The following GPC6 variants were observed in gnomAD, a reference collection of about 807,000 sequenced individuals.
GPC6 encodes glypican 6, also known as glypican-6.
In GPC6, 14 loss-of-function variants were observed where a neutral mutation model predicts 55.2. That is an observed-to-expected ratio of 0.25 (90% CI 0.17 to 0.40). The LOEUF (loss-of-function observed/expected upper bound fraction) is 0.40, where lower values mean the gene tolerates loss of function less well. Ranked by LOEUF, GPC6 falls within the 10% of genes least tolerant of loss-of-function variation. The pLI is 1.00. For synonymous variants in GPC6, 278 were observed against 259.6 expected, an observed-to-expected ratio of 1.07 and a Z score of -0.68; for missense variants, 641 against 708.5, an observed-to-expected ratio of 0.90 and a Z score of 1.08.
chr13:94,131,519 T>TTGAGAAA (rs1345909995), intron 4 of GPC6, among the ~76,000 whole-genome samples: 1 of 152,204 alleles, frequency 6.6e-6, no homozygotes, highest in Non-Finnish European at 1.5e-5. Context: ...GTCAATTAAT[T>TTGAGAAA]TGAGAAATGA....
chr13:93,373,264 T>C (rs540297636), intron 1 of GPC6, among the ~76,000 whole-genome samples: 1 of 152,310 alleles, frequency 6.6e-6, no homozygotes, highest in East Asian at 1.9e-4. Flanking sequence ...TCGGTCTTTT[T>C]CTGTCCATTT....
At chr13:93,570,464 T>C (rs1185633858) in intron 2 of GPC6, among the ~76,000 whole-genome samples, 1 of 152,152 alleles carries the variant, frequency 6.6e-6, no homozygotes, top group African/African-American at 2.4e-5. Context: ...TTTTATCGAC[T>C]TACAAAAGGC....
chr13:93,384,057 T>C (rs976348796), intron 1 of GPC6, among the ~76,000 whole-genome samples: 6 of 152,172 alleles, frequency 3.9e-5, no homozygotes, highest in African/African-American at 1.2e-4. Context: ...TCAGTTATTT[T>C]ATGATATTTC....
chr13:93,913,073 G>A (rs1186365540), intron 3 of GPC6, among the ~76,000 whole-genome samples: 2 of 152,158 alleles, frequency 1.3e-5, no homozygotes, highest in African/African-American at 2.4e-5. Flanking sequence ...ATGGACTTCA[G>A]CAAAGACCTT....
At chr13:94,327,035 C>T (rs1186307006) in intron 6 of GPC6, among the ~76,000 whole-genome samples, 2 of 152,182 alleles carry the variant, frequency 1.3e-5, no homozygotes, top group East Asian at 1.9e-4. Context: ...GGTAGTTTAG[C>T]GTCTATCAGC....
chr13:93,314,750 T>TGCGCGC (rs1331821835), intron 1 of GPC6, among the ~76,000 whole-genome samples: 2 of 104,872 alleles, frequency 1.9e-5, no homozygotes, highest in African/African-American at 7.7e-5. Context: ...TGTGTGTGTG[T>TGCGCGC]GTGTGTGCAC....
At chr13:94,112,805 T>A (rs182713596) in intron 4 of GPC6, among the ~76,000 whole-genome samples, 1 of 152,188 alleles carries the variant, frequency 6.6e-6, no homozygotes, top group Non-Finnish European at 1.5e-5. Context: ...TGTCTGTAGA[T>A]ACAGATTGCC....
chr13:93,901,898 TAAAAAA>T (rs55752330), intron 3 of GPC6, among the ~76,000 whole-genome samples: 1 of 119,258 alleles, frequency 8.4e-6, no homozygotes, highest in Non-Finnish European at 1.8e-5. Context: ...GAGATTCCAT[TAAAAAA>T]AAAAAAAAAA....
intron 2 of GPC6, among the ~76,000 whole-genome samples, chr13:93,752,308 G>A (rs1473194424): frequency 6.6e-6 from 1 of 152,066 alleles, no homozygotes; most frequent in Non-Finnish European, 1.5e-5. Flanking sequence ...TTTCTTAGAA[G>A]ACATGCCATC....
At chr13:94,158,793 G>C (rs1002982881) in intron 4 of GPC6, among the ~76,000 whole-genome samples, 1 of 152,110 alleles carries the variant, frequency 6.6e-6, no homozygotes, top group African/African-American at 2.4e-5. Context: ...ACACCTCAGC[G>C]CATCCATTTG....
chr13:93,644,481 G>T (rs577153239), intron 2 of GPC6, among the ~76,000 whole-genome samples: 2 of 151,954 alleles, frequency 1.3e-5, no homozygotes, highest in East Asian at 1.9e-4. Context: ...AAATTATGGC[G>T]TTTCCACATT....
At chr13:94,318,213 T>C (rs1473896324) in intron 6 of GPC6, among the ~76,000 whole-genome samples, 1 of 152,190 alleles carries the variant, frequency 6.6e-6, no homozygotes, top group Non-Finnish European at 1.5e-5. Flanking sequence ...ATCTGTTTGC[T>C]CTATCAATTA....
rs539309078 is a variant in GPC6, at chr13:93,622,171, A to G, written c.319+76750A>G. 4.6e-5 allele frequency among the ~76,000 whole-genome samples: 7 copies of G among 152,330 alleles called. No homozygotes were observed. The South Asian group carries it at 1.2e-3, about 27-fold the overall frequency. On this transcript the variant is annotated intron_variant, in intron 2 of 8. Coordinates refer to ENST00000377047, the MANE Select transcript of GPC6 (RefSeq NM_005708.5). Reference sequence around the variant, plus strand: ...TCTTGCTGGTGTCACACAGTTGTACATATTGCATCATAATACCATGCTCAA... The same window carrying G: ...TCTTGCTGGTGTCACACAGTTGTACGTATTGCATCATAATACCATGCTCAA...
intron 1 of GPC6, among the ~76,000 whole-genome samples, chr13:93,505,456 CAGAGAGAGAGAG>C (rs374453375): frequency 6.7e-6 from 1 of 149,698 alleles, no homozygotes; most frequent in East Asian, 2.0e-4. Context: ...CACACAGAGA[CAGAGAGAGAGAG>C]AGAGAGAAAG....
intron 3 of GPC6, among the ~76,000 whole-genome samples, chr13:93,959,916 C>A (rs1050526014): frequency 6.6e-6 from 1 of 152,272 alleles, no homozygotes; most frequent in South Asian, 2.1e-4. Context: ...TCCAGATAAT[C>A]CAATTTCCTT....
rs73544047 is a variant in GPC6 at position 94,047,211 on chromosome 13, T to A, written c.877+19317T>A. Among the ~76,000 whole-genome samples the A allele has an allele frequency of 9.7e-3, 1,481 of 152,194 alleles. 27 individuals are homozygous for A. The highest frequency in any genetic ancestry group is 0.033 in the African/African-American group (1,379 of 41,544). On this transcript the variant is annotated intron_variant, in intron 4 of 8. Coordinates refer to ENST00000377047, the MANE Select transcript of GPC6 (RefSeq NM_005708.5). The stretch of plus-strand genomic sequence containing the variant: ...AGTAAAATCAGGAAAACAGCACTAA[T>A]AATTTCTAAAACCCACAAATTTCCA...
intron 4 of GPC6, among the ~76,000 whole-genome samples, chr13:94,032,135 T>G (rs1883164037): frequency 6.6e-6 from 1 of 152,192 alleles, no homozygotes. Flanking sequence ...GAGACCTGAG[T>G]GTTTTTGTCC....
intron 2 of GPC6, among the ~76,000 whole-genome samples, chr13:93,668,426 T>A (rs1281978897): frequency 2.6e-5 from 4 of 152,230 alleles, no homozygotes; most frequent in Non-Finnish European, 5.9e-5. Flanking sequence ...GTGGGTTGAA[T>A]GGACGCATGT....
intron 2 of GPC6, among the ~76,000 whole-genome samples, chr13:93,673,305 T>G (rs974716257): frequency 6.6e-6 from 1 of 152,202 alleles, no homozygotes; most frequent in African/African-American, 2.4e-5. Context: ...GGTCAGTTAT[T>G]TATTTCATGA....
Sources: allele counts gnomAD v4.1 joint callset (sites outside exome capture counted in the v4.1 genomes callset), GRCh38; gene constraint gnomAD v4.1.1; transcripts MANE v1.5; gene names NCBI Gene and HGNC (gene_info 2026-07-23, HGNC 2026-07-21).